Variants in EYS observed in about 807,000 individuals in gnomAD.
EYS encodes the protein EGF-like photoreceptor maintenance factor.
Under a neutral mutation model 282.1 loss-of-function variants are expected in EYS, and 250 were observed. That is an observed-to-expected ratio of 0.89 (90% CI 0.80 to 0.98). The LOEUF is 0.98. Ranked by LOEUF, EYS falls within the 50% of genes least tolerant of loss-of-function variation. The pLI is 0.00. For synonymous variants in EYS, 1,355 were observed against 1,282.9 expected (o/e 1.06, Z -1.20); for missense variants, 4,016 against 3,709.0 (o/e 1.08, Z -2.15).
intron 22 of EYS, among the ~76,000 whole-genome samples, chr6:64,671,375 G>A (rs1226045133): frequency 6.6e-6 from 1 of 152,100 alleles, no homozygotes; most frequent in African/African-American, 2.4e-5. Context: ...ACAGCAAGGA[G>A]CCATTTAAGA....
intron 35 of EYS, among the ~76,000 whole-genome samples, chr6:63,957,166 G>A (rs1180925917): frequency 1.0e-5 from 1 of 96,100 alleles, no homozygotes; most frequent in Non-Finnish European, 2.8e-5. Context: ...CTGTCTTCTT[G>A]TACTTAGGAA....
chr6:65,601,482 C>T (rs952922869), intron 2 of EYS, among the ~76,000 whole-genome samples: 2 of 151,740 alleles, frequency 1.3e-5, no homozygotes, highest in African/African-American at 4.8e-5. Context: ...TATTCTGCCT[C>T]TTGCAGTGAT....
chr6:64,976,678 A>T (rs926542549), intron 14 of EYS, among the ~76,000 whole-genome samples: 2 of 151,964 alleles, frequency 1.3e-5, no homozygotes, highest in African/African-American at 4.8e-5. Context: ...TTTTAAGGGG[A>T]TATAAACATT....
intron 26 of EYS, among the ~76,000 whole-genome samples, chr6:64,572,903 C>T (rs1052684765): frequency 6.7e-6 from 1 of 149,936 alleles, no homozygotes; most frequent in African/African-American, 2.4e-5. Context: ...ACTTTCTTTA[C>T]AAAATTAGAA....
intron 31 of EYS, among the ~76,000 whole-genome samples, chr6:64,158,089 G>C (rs1582358625): frequency 6.6e-6 from 1 of 152,222 alleles, no homozygotes; most frequent in Non-Finnish European, 1.5e-5. Flanking sequence ...CCCACCCCTT[G>C]CATCAGTGTG....
At position 65,667,078 on chromosome 6, in the gene EYS, T is replaced by C. The variant is rs141216182; in HGVS notation, c.-447-27186A>G. ...TGAAGAGATTTATTAAGAGATTTGA[T>C]GAAAGTGATTTTAAAAATGCAAACA... On this transcript the variant is annotated intron_variant, in intron 1 of 42. Transcript: ENST00000503581. Among the ~76,000 whole-genome samples, 244 of 151,944 alleles carry C rather than the reference T, an allele frequency of 1.6e-3. 1 individual carries two copies. The highest frequency in any genetic ancestry group is 2.4e-3 in the Non-Finnish European group (164 of 67,758).
At position 63,874,926 on chromosome 6, in the gene EYS, A is replaced by G. The variant is rs199948981; in HGVS notation, c.7056-10568T>C. ...ATCATGTCATCTGCAAACGGGGACA[A>G]TTTGACTTCCTCTTTTCCTAATTGA... On this transcript the variant is annotated intron_variant, in intron 35 of 42. Transcript: ENST00000503581. Among the ~76,000 whole-genome samples, 8 of 152,284 alleles carry G rather than the reference A, an allele frequency of 5.3e-5. No individual in the cohort carries two copies. The East Asian group carries it at 1.5e-3, about 29-fold the overall frequency.
At chr6:64,624,932 CAGAT>C (rs2149855769) in intron 23 of EYS, among the ~76,000 whole-genome samples, 1 of 152,230 alleles carries the variant, frequency 6.6e-6, no homozygotes, top group South Asian at 2.1e-4. Context: ...TGGCTATCCA[CAGAT>C]ACAATCAAAG....
rs536480264 is a variant in EYS at position 65,047,024 on chromosome 6, G to T, written c.2137+10590C>A. On this transcript the variant is annotated intron_variant, in intron 13 of 42. Transcript: ENST00000503581. ...TTGCTTCCCCTTCACCTTCTGCTGTGATTCTAAGTTTTCTGAGGCCTCTGC... is the reference window on the plus strand; with the variant it reads ...TTGCTTCCCCTTCACCTTCTGCTGTTATTCTAAGTTTTCTGAGGCCTCTGC... Among the ~76,000 whole-genome samples, 289 of 151,480 alleles carry T rather than the reference G, an allele frequency of 1.9e-3. 1 individual carries two copies. The highest frequency in any genetic ancestry group is 3.4e-3 in the Non-Finnish European group (229 of 67,840).
intron 29 of EYS, among the ~76,000 whole-genome samples, chr6:64,346,579 C>A (rs1460257933): frequency 6.6e-6 from 1 of 151,636 alleles, no homozygotes; most frequent in Non-Finnish European, 1.5e-5. Context: ...GGAGGGATAG[C>A]ATTAGGAGAT....
chr6:63,794,236 T>A (rs1294964618), intron 37 of EYS, among the ~76,000 whole-genome samples: 2 of 152,246 alleles, frequency 1.3e-5, no homozygotes, highest in African/African-American at 4.8e-5. Context: ...TGCATATTTC[T>A]TTCCTCTTCT....
chr6:64,404,417 G>A (rs1251010632), intron 28 of EYS, among the ~76,000 whole-genome samples: 3 of 150,028 alleles, frequency 2.0e-5, no homozygotes, highest in Non-Finnish European at 3.0e-5. Flanking sequence ...GTGTGTGCAC[G>A]CACGCGTGTG....
intron 1 of EYS, among the ~76,000 whole-genome samples, chr6:65,692,652 A>C (rs1769285292): frequency 6.7e-6 from 1 of 150,044 alleles, no homozygotes; most frequent in South Asian, 2.1e-4. Flanking sequence ...TTCCATAAGG[A>C]ACTACAAAGG....
chr6:65,142,017 G>A (rs1029040478), intron 12 of EYS, among the ~76,000 whole-genome samples: 19 of 151,944 alleles, frequency 1.3e-4, no homozygotes, highest in Admixed American at 6.6e-5. Context: ...GCAAACATGT[G>A]TAACTCCAGT....
chr6:64,085,860 T>C (rs1348371852), intron 31 of EYS, among the ~76,000 whole-genome samples: 1 of 152,186 alleles, frequency 6.6e-6, no homozygotes, highest in East Asian at 1.9e-4. Flanking sequence ...CTGCATTTTA[T>C]TGAATCTGTT....
chr6:65,407,607 T>G (rs1168597882), intron 5 of EYS, among the ~76,000 whole-genome samples: 3 of 152,142 alleles, frequency 2.0e-5, no homozygotes, highest in African/African-American at 7.2e-5. Flanking sequence ...TATGTTAGCT[T>G]GTAGTCTGAA....
intron 22 of EYS, among the ~76,000 whole-genome samples, chr6:64,746,058 A>G (rs1007138821): frequency 1.3e-5 from 2 of 152,128 alleles, no homozygotes; most frequent in African/African-American, 4.8e-5. Context: ...TTTTATTTGA[A>G]GTATTGCTGT....
At chr6:65,626,978 T>C (rs1766720779) in intron 2 of EYS, among the ~76,000 whole-genome samples, 1 of 150,996 alleles carries the variant, frequency 6.6e-6, no homozygotes, top group Admixed American at 6.6e-5. Flanking sequence ...CTTTCTTTCT[T>C]TCCTTCTTTC....
intron 31 of EYS, among the ~76,000 whole-genome samples, chr6:64,158,193 G>C (rs182173015): frequency 2.0e-5 from 3 of 152,222 alleles, no homozygotes; most frequent in Non-Finnish European, 4.4e-5. Context: ...TATATTTTCT[G>C]TCTCTTTTCC....
Sources: gnomAD v4.1 joint callset for allele counts (sites outside exome capture counted in the v4.1 genomes callset) on GRCh38, gnomAD v4.1.1 for gene constraint, MANE v1.5 for transcripts, NCBI Gene and HGNC (gene_info 2026-07-23, HGNC 2026-07-21) for gene names.